FOXP1: variants seen among roughly 807,000 people sequenced by gnomAD.
FOXP1 encodes the protein forkhead box P1, also known as forkhead box protein P1.
FOXP1 carries 15 observed loss-of-function variants against 98.2 expected under a neutral mutation model. The observed-to-expected ratio is 0.15, with a 90% CI of 0.10 to 0.24. The LOEUF (loss-of-function observed/expected upper bound fraction) is 0.24. Ranked by LOEUF, FOXP1 falls within the 10% of genes least tolerant of loss-of-function variation. The pLI, the probability that FOXP1 is intolerant of heterozygous loss-of-function variation, is 1.00. For missense variants in FOXP1, 633 were observed against 848.5 expected (o/e 0.75, Z 3.15); for synonymous variants, 371 against 314.5 (o/e 1.18, Z -1.90).
intron 5 of FOXP1, among the ~76,000 whole-genome samples, chr3:71,253,402 G>A (rs906630578): frequency 9.3e-5 from 5 of 54,004 alleles, no homozygotes; most frequent in Non-Finnish European, 1.8e-4. Context: ...TAATAGACGT[G>A]TTTAACTTTA....
At chr3:71,427,591 A>G (rs139372212) in intron 3 of FOXP1, among the ~76,000 whole-genome samples, 14 of 152,356 alleles carry the variant, frequency 9.2e-5, no homozygotes, top group Admixed American at 2.0e-4. Flanking sequence ...GGAGGGACAT[A>G]TAAAGGCAGA....
chr3:71,079,892 G>C (rs956008264), intron 7 of FOXP1, among the ~76,000 whole-genome samples: 2 of 152,214 alleles, frequency 1.3e-5, no homozygotes, highest in African/African-American at 4.8e-5. Context: ...TTATAGATGA[G>C]AAAACTGAGG....
chr3:71,354,150 C>CAAAAA (rs541215729), intron 4 of FOXP1, among the ~76,000 whole-genome samples: 2,066 of 129,040 alleles, frequency 0.016, 64 homozygotes, highest in African/African-American at 0.06. Flanking sequence ...ATTAAAAATA[C>CAAAAA]AAAAAAAAAA....
rs376190327 is a variant in FOXP1, at chr3:71,198,145, TC to T, written c.180+56del. 368 of 1,613,644 alleles carry T rather than the reference TC, an allele frequency of 2.3e-4. No homozygotes were observed. The African/African-American group carries it at 4.2e-3, about 18-fold the overall frequency. ...GCGAGATCGCGATTAAGTGTAAAATTCAGCAGTAAAATTCGCACCCACCACC... is the reference window on the plus strand; with the variant it reads ...GCGAGATCGCGATTAAGTGTAAAATTAGCAGTAAAATTCGCACCCACCACC... On this transcript the variant is annotated intron_variant, in intron 6 of 20. Transcript: ENST00000649528.
At chr3:71,491,545 A>T (rs1413189271) in intron 3 of FOXP1, among the ~76,000 whole-genome samples, 1 of 152,152 alleles carries the variant, frequency 6.6e-6, no homozygotes, top group Non-Finnish European at 1.5e-5. Flanking sequence ...CCCGTGTGTT[A>T]CTGTTTACTA....
chr3:71,101,306 G>A (rs951800225), intron 7 of FOXP1, among the ~76,000 whole-genome samples: 9 of 152,170 alleles, frequency 5.9e-5, no homozygotes, highest in Non-Finnish European at 1.2e-4. Flanking sequence ...GCACTTAGGA[G>A]CAGTACAACA....
intron 4 of FOXP1, among the ~76,000 whole-genome samples, chr3:71,342,359 G>C (rs1183531304): frequency 6.6e-6 from 1 of 152,142 alleles, no homozygotes; most frequent in Admixed American, 6.6e-5. Context: ...AGGCAAAGCA[G>C]TGAAAAATCT....
At chr3:71,474,758 C>T (rs571332215) in intron 3 of FOXP1, among the ~76,000 whole-genome samples, 1 of 151,998 alleles carries the variant, frequency 6.6e-6, no homozygotes, top group Non-Finnish European at 1.5e-5. Flanking sequence ...AGGGCTCCCA[C>T]TGATTCTATA....
rs893389833 is a variant in FOXP1, at chr3:70,955,215, C to CTATT, written c.*4028_*4031dup. On this transcript the variant is annotated 3_prime_UTR_variant, in exon 21 of 21. Coordinates refer to ENST00000649528, the MANE Select transcript of FOXP1 (RefSeq NM_001349338.3). ...AAAAGAGAGGAAATATTTTTTAACT[C>CTATT]TATTTTTTTTCATGAGGAAAAAAAA... 4.3e-6 allele frequency: 1 copy of CTATT among 232,328 alleles called. No homozygotes were observed. Among genetic ancestry groups the CTATT allele is most frequent in the Admixed American group, 5.6e-5 (1 of 17,750 alleles). 14.4% of individuals were successfully genotyped at this position (232,328 alleles called of 1,614,324 possible).
At chr3:71,438,300 G>A (rs146164541) in intron 3 of FOXP1, among the ~76,000 whole-genome samples, 11 of 152,146 alleles carry the variant, frequency 7.2e-5, no homozygotes, top group South Asian at 2.1e-4. Context: ...TGGCAGCCTC[G>A]TTTAATATGA....
At chr3:71,010,614 T>C (rs1418649830) in intron 12 of FOXP1, among the ~76,000 whole-genome samples, 2 of 152,234 alleles carry the variant, frequency 1.3e-5, no homozygotes, top group South Asian at 2.1e-4. Flanking sequence ...AATGTTACCT[T>C]TATTAAGTAA....
chr3:71,192,185 G>A (rs1285901436), intron 6 of FOXP1, among the ~76,000 whole-genome samples: 1 of 152,138 alleles, frequency 6.6e-6, no homozygotes, highest in Non-Finnish European at 1.5e-5. Context: ...CAGCTACAAC[G>A]GGAAAGGCCA....
intron 4 of FOXP1, among the ~76,000 whole-genome samples, chr3:71,349,663 G>A (rs917795627): frequency 2.6e-5 from 4 of 151,936 alleles, no homozygotes; most frequent in African/African-American, 4.8e-5. Flanking sequence ...TTCCATCCAG[G>A]GCACATGGAA....
chr3:71,043,022 ATCAAAGAGG>A (rs2048554070), intron 10 of FOXP1, among the ~76,000 whole-genome samples: 1 of 152,170 alleles, frequency 6.6e-6, no homozygotes, highest in Non-Finnish European at 1.5e-5. Context: ...TCGTTTGCAT[ATCAAAGAGG>A]AGTAAATTAT....
At chr3:71,200,770 G>A (rs1040679141) in intron 5 of FOXP1, among the ~76,000 whole-genome samples, 50 of 152,188 alleles carry the variant, frequency 3.3e-4, no homozygotes, top group African/African-American at 1.1e-3. Context: ...TGTGACAACA[G>A]GGAAATTTCA....
At chr3:71,317,469 C>A (rs1272568656) in intron 4 of FOXP1, among the ~76,000 whole-genome samples, 3 of 151,574 alleles carry the variant, frequency 2.0e-5, no homozygotes, top group Non-Finnish European at 4.4e-5. Flanking sequence ...GTAAATGGCC[C>A]CACTGGAAAA....
intron 4 of FOXP1, among the ~76,000 whole-genome samples, chr3:71,347,427 T>C (rs1476162469): frequency 2.0e-5 from 3 of 152,198 alleles, no homozygotes; most frequent in Admixed American, 6.5e-5. Context: ...CTTCTGCCTC[T>C]ACCATCAATA....
At chr3:70,974,505 C>G (rs1363673452) in intron 17 of FOXP1, among the ~76,000 whole-genome samples, 1 of 152,080 alleles carries the variant, frequency 6.6e-6, no homozygotes, top group Admixed American at 6.5e-5. Context: ...TGCTATGTTG[C>G]CCAGGCTGAT....
At chr3:71,214,396 C>CTT (rs1333444720) in intron 5 of FOXP1, among the ~76,000 whole-genome samples, 1 of 152,176 alleles carries the variant, frequency 6.6e-6, no homozygotes, top group Non-Finnish European at 1.5e-5. Flanking sequence ...GGCCACTTCT[C>CTT]TTTGCCTGCT....
Sources: gnomAD v4.1 joint callset for allele counts (sites outside exome capture counted in the v4.1 genomes callset) on GRCh38, gnomAD v4.1.1 for gene constraint, MANE v1.5 for transcripts, NCBI Gene and HGNC (gene_info 2026-07-23, HGNC 2026-07-21) for gene names.